WDR91: variants seen among roughly 807,000 people sequenced by gnomAD.
WDR91 encodes the protein WD repeat domain 91, also known as WD repeat-containing protein 91.
WDR91 carries 52 observed loss-of-function variants against 88.4 expected under a neutral mutation model. That is an observed-to-expected ratio of 0.59 (90% CI 0.47 to 0.74). The LOEUF (loss-of-function observed/expected upper bound fraction) is 0.74. Ranked by LOEUF, WDR91 falls within the 30% of genes least tolerant of loss-of-function variation. The pLI is 0.00. For missense variants in WDR91, 824 were observed against 954.5 expected (o/e 0.86, Z 1.80); for synonymous variants, 362 against 389.5 (o/e 0.93, Z 0.83).
At chr7:135,192,816 G>T (rs1280297674) in intron 11 of WDR91, among the ~76,000 whole-genome samples, 1 of 152,200 alleles carries the variant, frequency 6.6e-6, no homozygotes, top group African/African-American at 2.4e-5. Context: ...CTTGAAGGAA[G>T]GGGTCCTTGG....
In WDR91 at chr7:135,211,478, C is replaced by T. The variant is rs776831358; in HGVS notation, c.25G>A (p.Asp9Asn). 2 of 1,611,806 alleles carry T rather than the reference C, an allele frequency of 1.2e-6. No individual in the cohort carries two copies. Among genetic ancestry groups the T allele is most frequent in the Non-Finnish European group, 1.7e-6 (2 of 1,179,114 alleles). Residue 9 changes from aspartate (D) to asparagine (N), a missense_variant, in exon 1 of 15, where the codon GAC becomes AAC. Asp to Asn is a conservative substitution (Grantham distance 23). Coordinates refer to ENST00000354475, the MANE Select transcript of WDR91 (RefSeq NM_014149.4). The stretch of plus-strand genomic sequence containing the variant: ...AGCAGGTACTCCCGGACCAGCTCGT[C>T]AGTGCGCTCCACGGCCTCCGCCATC... Reference protein sequence around the residue: MAEAVERTDELVREYLLFR... With the variant: MAEAVERTNELVREYLLFR...
intron 4 of WDR91, 92 bp downstream of exon 4, chr7:135,207,028 A>G (rs773640076): frequency 2.0e-6 from 2 of 996,922 alleles, no homozygotes; most frequent in Non-Finnish European, 2.9e-6. Flanking sequence ...GGCAGTGGAA[A>G]CCTGATTAAT....
intron 12 of WDR91, 114 bp downstream of exon 12, chr7:135,189,230 G>T: frequency 1.2e-6 from 1 of 802,458 alleles, no homozygotes; most frequent in Non-Finnish European, 2.0e-6. Flanking sequence ...TGCATCTGAA[G>T]TCAGGGTTTT....
intron 1 of WDR91, chr7:135,210,874 T>G (rs908068698): frequency 8.5e-6 from 6 of 703,574 alleles, no homozygotes; most frequent in Non-Finnish European, 1.3e-5. Context: ...AAGTTTGGGT[T>G]TCTCTAATGT....
intron 6 of WDR91, chr7:135,198,722 A>C (rs1018771718): frequency 6.6e-6 from 1 of 152,302 alleles, no homozygotes; most frequent in East Asian, 1.9e-4. Context: ...AACCCAAGGA[A>C]TGTTAAGAAA....
rs760630368 is a variant in WDR91, at chr7:135,205,938, C to A, written c.715G>T (p.Asp239Tyr). The A allele has an allele frequency of 1.5e-5, 24 of 1,613,394 alleles. No individual in the cohort carries two copies. Among genetic ancestry groups the A allele is most frequent in the Admixed American group, 1.2e-4 (7 of 60,006 alleles). ...GTCACACACACTCACAGTTCCGAGT[C>A]CCCCAGGCGGTCCATGTTGGAGACA... ...PYVSNMDRLG[D>Y]SELAMVCSQR... Residue 239 changes from aspartate (D) to tyrosine (Y), a missense_variant, in exon 5 of 15, where the codon GAC (aspartate) becomes TAC (tyrosine). By Grantham distance (160) the Asp-to-Tyr change is radical (BLOSUM62 -3). Transcript: ENST00000354475.
chr7:135,188,851 A>G (rs1211256606), intron 12 of WDR91, among the ~76,000 whole-genome samples: 2 of 152,090 alleles, frequency 1.3e-5, no homozygotes, highest in Non-Finnish European at 2.9e-5. Flanking sequence ...TAACTTCCCC[A>G]TGTGCCCTGG....
At chr7:135,202,319 A>G (rs562725184) in intron 6 of WDR91, 1 of 152,374 alleles carries the variant, frequency 6.6e-6, no homozygotes, top group African/African-American at 2.4e-5. Context: ...GACGTGAAAC[A>G]TTAATGCTGA....
chr7:135,197,712 C>G (rs1210122282), intron 7 of WDR91: 2 of 329,552 alleles, frequency 6.1e-6, no homozygotes, highest in Non-Finnish European at 5.5e-6. Flanking sequence ...TGCAAAGGTT[C>G]CCAAGCCAGC....
chr7:135,195,991 G>A (rs1831349945), intron 8 of WDR91, among the ~76,000 whole-genome samples, 153 bp downstream of exon 8: 1 of 150,016 alleles, frequency 6.7e-6, no homozygotes, highest in Non-Finnish European at 1.5e-5. Flanking sequence ...CCAGTCCACT[G>A]GCAGCTCCAA....
At position 135,208,987 on chromosome 7, in the gene WDR91, A is replaced by G. The variant is rs1831913430; in HGVS notation, c.315T>C (p.Asn105=). ...TTGCAAAGAACTCCTGAGCCTTGTC[A>G]TTTCTGTTTGTCTGCCAAGACACAA... ...YLVYTIQTNR[N]DKAQEFFAKQ... is the part of the protein sequence containing the mutation. The change falls in exon 3 of 15, where the codon AAT becomes AAC. Residue 105 remains asparagine (N), a synonymous_variant. Transcript: ENST00000354475. 6.2e-7 allele frequency: 1 copy of G among 1,613,832 alleles called. No homozygotes were observed.
At chr7:135,201,392 T>C (rs1831565596) in intron 6 of WDR91, 1 of 151,400 alleles carries the variant, frequency 6.6e-6, no homozygotes, top group African/African-American at 2.4e-5. Flanking sequence ...TCCAGACTCA[T>C]ATTGAAAGCC....
chr7:135,189,422 CAA>C lies in WDR91; in HGVS notation c.1688_1689del (p.Ile563SerfsTer20). On this transcript the variant is annotated frameshift_variant, in exon 12 of 15. Transcript: ENST00000354475. LOFTEE classifies it high-confidence loss of function. The stretch of plus-strand genomic sequence containing the variant: ...TGATTGAAGGCTGTACAGTTGATAG[CAA>C]TGGGTTCTGGATCCAGGGAGAACTG... Reference protein sequence around the residue: ...QLQFSLDPEPIAINCTAFNHN... With the variant: ...QLQFSLDPEPXAINCTAFNHN... 6.2e-7 allele frequency: 1 copy of C among 1,613,952 alleles called. No individual in the cohort carries two copies. The highest frequency in any genetic ancestry group is 8.5e-7 in the Non-Finnish European group (1 of 1,179,864).
chr7:135,198,178 G>C (rs1327921425), intron 6 of WDR91, 27 bp from the exon 7 acceptor site: 1 of 1,602,372 alleles, frequency 6.2e-7, no homozygotes, highest in Non-Finnish European at 8.5e-7. Context: ...TGGCTGTGAA[G>C]TCTCTTCCCA....
intron 6 of WDR91, among the ~76,000 whole-genome samples, chr7:135,202,997 C>T (rs924321094): frequency 6.6e-6 from 1 of 152,224 alleles, no homozygotes; most frequent in African/African-American, 2.4e-5. Context: ...CCAACATTTA[C>T]TGAGTGCTGA....
At chr7:135,206,590 T>C (rs292595) in intron 4 of WDR91, among the ~76,000 whole-genome samples, 103,360 of 151,938 alleles carry the variant, frequency 0.68, 35,871 homozygotes, top group Admixed American at 0.79. Flanking sequence ...AAGAGAAATG[T>C]TCCTCAGGCA....
intron 5 of WDR91, among the ~76,000 whole-genome samples, chr7:135,205,495 C>T (rs1288343277): frequency 1.3e-5 from 2 of 152,176 alleles, no homozygotes; most frequent in Admixed American, 6.5e-5. Context: ...CGGTGGCTCA[C>T]GCCTGTAATC....
In WDR91 at chr7:135,193,524, G is replaced by A. The variant is rs149330489; in HGVS notation, c.1490+54C>T. On this transcript the variant is annotated intron_variant, in intron 10 of 14. Transcript: ENST00000354475. ...AGGCTTGGGAAAGGACCAGCCCCGCGGACCACACTTGGCAGCCTGCGGCCT... is the reference window on the plus strand; with the variant it reads ...AGGCTTGGGAAAGGACCAGCCCCGCAGACCACACTTGGCAGCCTGCGGCCT... The A allele has an allele frequency of 5.5e-5, 88 of 1,612,186 alleles. 1 individual carries two copies. The African/African-American group carries it at 8.8e-4, about 16-fold the overall frequency.
chr7:135,193,066 G>A (rs1273999467), intron 11 of WDR91, 165 bp downstream of exon 11: 2 of 1,020,494 alleles, frequency 2.0e-6, no homozygotes, highest in Non-Finnish European at 2.8e-6. Flanking sequence ...TGAATGACAT[G>A]TCACTAACAA....
Sources: allele counts gnomAD v4.1 joint callset (sites outside exome capture counted in the v4.1 genomes callset), GRCh38; gene constraint gnomAD v4.1.1; transcripts MANE v1.5; gene names NCBI Gene and HGNC (gene_info 2026-07-23, HGNC 2026-07-21).